MYBPC2: variants seen among roughly 807,000 people sequenced by gnomAD.
The protein encoded by MYBPC2 is myosin-binding protein C, fast-type.
MYBPC2 carries 122 observed loss-of-function variants against 137.0 expected under a neutral mutation model. The ratio of observed to expected loss-of-function variants is 0.89; its 90% CI spans 0.77 to 1.03. The LOEUF (loss-of-function observed/expected upper bound fraction) is 1.03. Ranked by LOEUF, MYBPC2 falls within the 50% of genes least tolerant of loss-of-function variation. The pLI is 0.00. For synonymous variants in MYBPC2, 626 were observed against 612.3 expected (o/e 1.02, Z -0.33); for missense variants, 1,500 against 1,534.4 (o/e 0.98, Z 0.37).
intron 13 of MYBPC2, among the ~76,000 whole-genome samples, chr19:50,449,089 C>A (rs2039833608): frequency 6.6e-6 from 1 of 152,124 alleles, no homozygotes; most frequent in African/African-American, 2.4e-5. Flanking sequence ...TGACTCATAC[C>A]TGTAATCTTG....
At chr19:50,448,945 G>C (rs187774380) in intron 13 of MYBPC2, among the ~76,000 whole-genome samples, 2 of 151,904 alleles carry the variant, frequency 1.3e-5, no homozygotes, top group African/African-American at 4.8e-5. Flanking sequence ...GGCCAGGCTG[G>C]TCTCTAACTC....
chr19:50,446,086 T>C lies in MYBPC2; in HGVS notation c.1306+34T>C, dbSNP rs745922453. On this transcript the variant is annotated intron_variant, in intron 12 of 27. Transcript: ENST00000357701. ...CCTCCAGGTAGGGCACGGGCTGCACTGCGCATGCTTCTCCACACAGCTTGA... is the reference window on the plus strand; with the variant it reads ...CCTCCAGGTAGGGCACGGGCTGCACCGCGCATGCTTCTCCACACAGCTTGA... 14 of 1,597,574 alleles carry C rather than the reference T, an allele frequency of 8.8e-6. No individual in the cohort carries two copies. In the Admixed American group the frequency reaches 2.4e-4, roughly 28 times the overall value.
rs201073659 is a variant in MYBPC2, at chr19:50,437,516, G to A, written c.507G>A (p.Lys169=). The A allele has an allele frequency of 1.2e-6, 2 of 1,610,590 alleles. No individual in the cohort carries two copies. Among genetic ancestry groups the A allele is most frequent in the Admixed American group, 3.4e-5 (2 of 59,484 alleles). The change falls in exon 6 of 28, where the codon AAG becomes AAA. Residue 169 remains lysine, a synonymous_variant. Transcript: ENST00000357701. ...CTGGGCAGAGTCTAGAAAGCTTCAA[G>A]CGTACGTAAGTGACCCCAGGCCCTT... ...DASGQSLESF[K]RTSEKKSDTA... is the part of the protein sequence containing the mutation.
intron 15 of MYBPC2, 147 bp downstream of exon 15, chr19:50,451,456 G>T: frequency 1.5e-6 from 1 of 662,596 alleles, no homozygotes; most frequent in Admixed American, 2.9e-5. Context: ...GGAGGGGGTT[G>T]GGGTGCTGAG....
intron 11 of MYBPC2, 105 bp from the exon 12 acceptor site, chr19:50,445,775 A>T (rs2039798127): frequency 1.7e-6 from 2 of 1,146,984 alleles, no homozygotes; most frequent in Admixed American, 2.5e-5. Context: ...CCCTCCGGGG[A>T]CCTGCCTTCT....
At chr19:50,457,333 C>T (rs1199523432) in intron 20 of MYBPC2, among the ~76,000 whole-genome samples, 1 of 152,176 alleles carries the variant, frequency 6.6e-6, no homozygotes, top group Non-Finnish European at 1.5e-5. Context: ...TCTGAGCCAA[C>T]AGCCATGAGT....
Position 50,454,378 on chromosome 19 carries a change from C to G in MYBPC2, c.2014+9C>G, listed in dbSNP as rs779525672. 1 of 1,590,354 alleles carries G rather than the reference C, an allele frequency of 6.3e-7. No homozygotes were observed. The highest frequency in any genetic ancestry group is 1.3e-5 in the African/African-American group (1 of 74,126). The stretch of plus-strand genomic sequence containing the variant: ...GGGGAAGCCAGTCACCGGTGAGTGC[C>G]TCTGTCCTCATGACCTCTGACCTTC... On this transcript the variant is annotated intron_variant, in intron 18 of 27. Coordinates refer to ENST00000357701, the MANE Select transcript of MYBPC2 (RefSeq NM_004533.4).
intron 24 of MYBPC2, 25 bp downstream of exon 24, chr19:50,460,204 G>A (rs1158790692): frequency 1.9e-6 from 3 of 1,587,734 alleles, no homozygotes; most frequent in South Asian, 2.3e-5. Flanking sequence ...GGGGAGATGG[G>A]GAAGAGCCGG....
Position 50,435,862 on chromosome 19 carries a change from G to T in MYBPC2, c.196G>T (p.Gly66Trp). 6.3e-7 allele frequency: 1 copy of T among 1,588,218 alleles called. No individual in the cohort carries two copies. The highest frequency in any genetic ancestry group is 8.6e-7 in the Non-Finnish European group (1 of 1,166,304). ...GCCGGACTCCGTCTCAGTGGAGACT[G>T]GTGAGGGGAACCCGGGGGAGGAGGG... ...KKPDSVSVET[G>W]KDAVVVAKVN... The change falls in exon 3 of 28, where the codon GGG becomes TGG. Residue 66 changes from glycine (G) to tryptophan (W), a missense_variant and splice_region_variant. Gly to Trp is a radical substitution (Grantham distance 184). Transcript: ENST00000357701. The surrounding 1 kb of genome is among the most constrained non-coding windows in gnomAD (Gnocchi z 4.8).
chr19:50,436,022 A>C lies in MYBPC2; in HGVS notation c.207A>C (p.Ala69=). The change falls in exon 4 of 28, where the codon GCA becomes GCC. Residue 69 remains alanine (A), a synonymous_variant. Transcript: ENST00000357701. The part of the protein sequence containing the change: ...DSVSVETGKD[A]VVVAKVNGKE... ...ACTCACCCCATGTAGGGAAGGACGC[A>C]GTGGTCGTGGCCAAGGTGAACGGGA... 2 of 1,580,736 alleles carry C rather than the reference A, an allele frequency of 1.3e-6. No homozygotes were observed. The highest frequency in any genetic ancestry group is 1.7e-6 in the Non-Finnish European group (2 of 1,163,172).
chr19:50,437,337 G>C (rs2293455), intron 5 of MYBPC2, 136 bp from the exon 6 acceptor site: 303,443 of 964,304 alleles, frequency 0.31, 48,844 homozygotes, highest in Middle Eastern at 0.44. Context: ...GCCCAGGCCT[G>C]AGCAAGGTTG....
intron 20 of MYBPC2, among the ~76,000 whole-genome samples, chr19:50,457,686 T>TTTTG (rs1555797878): frequency 4.0e-5 from 6 of 149,544 alleles, no homozygotes; most frequent in Non-Finnish European, 7.4e-5. Flanking sequence ...GAAAGTTTTT[T>TTTTG]TTTTTTTTTT....
At chr19:50,455,084 C>A (rs1368210694) in intron 18 of MYBPC2, 24 bp from the exon 19 acceptor site, 1 of 1,592,486 alleles carries the variant, frequency 6.3e-7, no homozygotes, top group South Asian at 1.1e-5. Context: ...GTTCCCTCTT[C>A]TCCTCTCTGC....
chr19:50,442,232 TC>T lies in MYBPC2; in HGVS notation c.822del (p.Lys275SerfsTer2). ...TACCAAGTGGACAGAGGCAACAAGA[TC>T]AAGTTGATGGTAGAGATCAGCGACC... ...PAYQVDRGNK[I>X]KLMVEISDPD... On this transcript the variant is annotated frameshift_variant, in exon 9 of 28. Transcript: ENST00000357701. LOFTEE classifies it high-confidence loss of function. 6.2e-7 allele frequency: 1 copy of T among 1,603,726 alleles called. No individual in the cohort carries two copies. The highest frequency in any genetic ancestry group is 8.5e-7 in the Non-Finnish European group (1 of 1,175,306).
chr19:50,454,904 G>A (rs971470896), intron 18 of MYBPC2, among the ~76,000 whole-genome samples: 2 of 152,044 alleles, frequency 1.3e-5, no homozygotes, highest in African/African-American at 4.8e-5. Flanking sequence ...TGGCCTCCTG[G>A]TTCATGAGCT....
rs769002509 is a variant in MYBPC2, at chr19:50,441,859, AAAAATAAAATAAAAT to A, written c.770-303_770-289del. Among the ~76,000 whole-genome samples the A allele has an allele frequency of 3.4e-4, 51 of 150,770 alleles. 1 individual carries two copies. In the South Asian group the frequency reaches 8.5e-3, roughly 25 times the overall value. On this transcript the variant is annotated intron_variant, in intron 8 of 27. Coordinates refer to ENST00000357701, the MANE Select transcript of MYBPC2 (RefSeq NM_004533.4). ...TGTCTCAAAAAAATAAAATAAAATAAAAAATAAAATAAAATAAAATAAAATAAAATAAATAAATAA... is the reference window on the plus strand; with the variant it reads ...TGTCTCAAAAAAATAAAATAAAATAAAAAATAAAATAAAATAAATAAATAA...
Position 50,466,107 on chromosome 19 carries a change from C to A in MYBPC2, c.3416-88C>A. 1 of 1,571,434 alleles carries A rather than the reference C, an allele frequency of 6.4e-7. No individual in the cohort carries two copies. Among genetic ancestry groups the A allele is most frequent in the Non-Finnish European group, 8.7e-7 (1 of 1,150,800 alleles). ...TGGTGACCGTCATCCTGTCCCCCTG[C>A]TGGTCATGTGGATGCAGCTCCTCCT... On this transcript the variant is annotated intron_variant, in intron 27 of 27. Coordinates refer to ENST00000357701, the MANE Select transcript of MYBPC2 (RefSeq NM_004533.4). The surrounding 1 kb of genome is among the most constrained non-coding windows in gnomAD (Gnocchi z 4.9).
At chr19:50,453,862 G>A (rs901537912) in intron 16 of MYBPC2, among the ~76,000 whole-genome samples, 158 bp from the exon 17 acceptor site, 16 of 152,212 alleles carry the variant, frequency 1.1e-4, no homozygotes, top group African/African-American at 3.9e-4. Context: ...TTTAATGAAG[G>A]ACGGCATTTG....
chr19:50,455,459 G>A, intron 19 of MYBPC2, 51 bp from the exon 20 acceptor site: 1 of 1,587,726 alleles, frequency 6.3e-7, no homozygotes, highest in South Asian at 1.1e-5. Context: ...CCTTCCTGCT[G>A]ACCCCTGACC....
Sources: allele counts gnomAD v4.1 joint callset (sites outside exome capture counted in the v4.1 genomes callset), GRCh38; gene constraint gnomAD v4.1.1; non-coding constraint Gnocchi (gnomAD v3.1); transcripts MANE v1.5; gene names NCBI Gene and HGNC (gene_info 2026-07-23, HGNC 2026-07-21).